The following FHIT variants were observed in gnomAD, a reference collection of about 807,000 sequenced individuals.
FHIT encodes bis(5'-adenosyl)-triphosphatase.
A neutral mutation model predicts 17.9 loss-of-function variants in FHIT; 19 were observed. The ratio of observed to expected loss-of-function variants is 1.06; its 90% CI spans 0.74 to 1.56. The LOEUF is 1.56. Ranked by LOEUF, FHIT falls within the 40% of genes most tolerant of loss-of-function variation. The pLI is 0.00. For synonymous variants in FHIT, 81 were observed against 69.7 expected, an observed-to-expected ratio of 1.16 and a Z score of -0.81; for missense variants, 248 against 189.2, an observed-to-expected ratio of 1.31 and a Z score of -1.82.
At chr3:61,226,013 G>C (rs867870601) in intron 1 of FHIT, among the ~76,000 whole-genome samples, 1 of 152,118 alleles carries the variant, frequency 6.6e-6, no homozygotes, top group African/African-American at 2.4e-5. Context: ...CAAAACTCAG[G>C]AACAGTAGAA....
At chr3:60,132,703 T>C (rs1336552924) in intron 5 of FHIT, among the ~76,000 whole-genome samples, 1 of 152,110 alleles carries the variant, frequency 6.6e-6, no homozygotes, top group Non-Finnish European at 1.5e-5. Flanking sequence ...TCTGTACATT[T>C]TCCCCTGATT....
At chr3:60,555,736 C>T (rs977623859) in intron 4 of FHIT, among the ~76,000 whole-genome samples, 3 of 152,206 alleles carry the variant, frequency 2.0e-5, no homozygotes, top group Non-Finnish European at 4.4e-5. Flanking sequence ...CTGTTACCAA[C>T]AGTAATGAGG....
intron 5 of FHIT, among the ~76,000 whole-genome samples, chr3:60,535,495 T>G (rs2035948895): frequency 6.6e-6 from 1 of 152,102 alleles, no homozygotes; most frequent in Non-Finnish European, 1.5e-5. Flanking sequence ...AAAATGTTAC[T>G]TCAAGAAATT....
intron 4 of FHIT, among the ~76,000 whole-genome samples, chr3:60,652,273 T>C (rs2040008132): frequency 6.6e-6 from 1 of 152,054 alleles, no homozygotes; most frequent in South Asian, 2.1e-4. Context: ...AATAAAAAAG[T>C]GGGGAGAACC....
chr3:60,458,096 G>A (rs1367325605), intron 5 of FHIT, among the ~76,000 whole-genome samples: 1 of 152,100 alleles, frequency 6.6e-6, no homozygotes, highest in African/African-American at 2.4e-5. Flanking sequence ...TATACCCAAA[G>A]GATTATAAAT....
rs1300324549 is a variant in FHIT at position 60,294,578 on chromosome 3, C to T, written c.103+242282G>A. On this transcript the variant is annotated intron_variant, in intron 5 of 9. Coordinates refer to ENST00000492590, the MANE Select transcript of FHIT (RefSeq NM_002012.4). The stretch of plus-strand genomic sequence containing the variant: ...AATAACAATTACAAAAGTAAACCTA[C>T]AGCCTCAGTTAAATTACTTACCTGT... Among the ~76,000 whole-genome samples, 3 of 152,182 alleles carry T rather than the reference C, an allele frequency of 2.0e-5. No individual in the cohort carries two copies. In the East Asian group the frequency reaches 5.8e-4, roughly 29 times the overall value.
intron 1 of FHIT, among the ~76,000 whole-genome samples, chr3:61,248,109 A>G (rs2040529195): frequency 6.6e-6 from 1 of 152,274 alleles, no homozygotes; most frequent in Admixed American, 6.5e-5. Flanking sequence ...TCTGCAATGT[A>G]CATGTTGAAA....
At chr3:60,671,441 G>A (rs910902588) in intron 4 of FHIT, among the ~76,000 whole-genome samples, 19 of 152,132 alleles carry the variant, frequency 1.2e-4, no homozygotes, top group African/African-American at 4.6e-4. Flanking sequence ...ATAGAAAGAA[G>A]GGGTAACAGA....
intron 5 of FHIT, among the ~76,000 whole-genome samples, chr3:60,109,116 A>G (rs1439381649): frequency 5.3e-5 from 8 of 151,002 alleles, no homozygotes; most frequent in African/African-American, 1.9e-4. Context: ...AGATGCTGTA[A>G]AAGAGGGGGA....
intron 4 of FHIT, among the ~76,000 whole-genome samples, chr3:60,624,094 T>C (rs2039212701): frequency 6.6e-6 from 1 of 151,920 alleles, no homozygotes; most frequent in South Asian, 2.1e-4. Context: ...CATGCCTAAG[T>C]GGAGTAAGGA....
At chr3:60,909,355 C>T (rs6805502) in intron 3 of FHIT, among the ~76,000 whole-genome samples, 4,209 of 131,800 alleles carry the variant, frequency 0.032, 201 homozygotes, top group African/African-American at 0.12. Context: ...GGCAGCAGAG[C>T]GAGACTCTGT....
intron 3 of FHIT, among the ~76,000 whole-genome samples, chr3:61,003,299 G>A (rs544671737): frequency 2.6e-5 from 4 of 152,146 alleles, no homozygotes; most frequent in Admixed American, 2.6e-4. Context: ...ACGCCACACT[G>A]TTATTCCTTT....
At position 60,241,113 on chromosome 3, in the gene FHIT, G is replaced by A. The variant is rs1289355268; in HGVS notation, c.104-226961C>T. On this transcript the variant is annotated intron_variant, in intron 5 of 9. Transcript: ENST00000492590. The stretch of plus-strand genomic sequence containing the variant: ...GTTTTTAGGAAACGGGGGTGGAATG[G>A]GGAATCACTTCACTGAAGAAGTTTA... 9.9e-5 allele frequency among the ~76,000 whole-genome samples: 15 copies of A among 152,226 alleles called. No homozygotes were observed. In the East Asian group the frequency reaches 2.3e-3, roughly 24 times the overall value.
intron 2 of FHIT, among the ~76,000 whole-genome samples, chr3:61,070,886 C>G (rs1289201516): frequency 6.6e-6 from 1 of 152,168 alleles, no homozygotes; most frequent in Non-Finnish European, 1.5e-5. Context: ...CATATTCAGA[C>G]AGTCTCATAC....
chr3:60,635,983 A>G (rs1211110126), intron 4 of FHIT, among the ~76,000 whole-genome samples: 1 of 152,206 alleles, frequency 6.6e-6, no homozygotes, highest in Non-Finnish European at 1.5e-5. Context: ...ACCCCTGCTC[A>G]GGAGAATAGG....
chr3:60,156,916 A>C (rs1700722886), intron 5 of FHIT, among the ~76,000 whole-genome samples: 1 of 152,098 alleles, frequency 6.6e-6, no homozygotes, highest in South Asian at 2.1e-4. Flanking sequence ...TAGCAAAATG[A>C]TACTTCTTCC....
rs1706089993 is a variant in FHIT at position 60,257,956 on chromosome 3, C to G, written c.104-243804G>C. 2.6e-5 allele frequency among the ~76,000 whole-genome samples: 4 copies of G among 152,032 alleles called. No individual in the cohort carries two copies. In the South Asian group the frequency reaches 8.3e-4, roughly 32 times the overall value. On this transcript the variant is annotated intron_variant, in intron 5 of 9. Transcript: ENST00000492590. ...AGCTAATGGATGCTGGGCTTAATACCTGGGTGATGGGTTGATCTGTGCAGA... is the reference window on the plus strand; with the variant it reads ...AGCTAATGGATGCTGGGCTTAATACGTGGGTGATGGGTTGATCTGTGCAGA...
chr3:60,010,276 T>C (rs1283531232), intron 7 of FHIT, among the ~76,000 whole-genome samples: 2 of 152,246 alleles, frequency 1.3e-5, no homozygotes, highest in Non-Finnish European at 2.9e-5. Context: ...AGAGGAAAGC[T>C]GAAAGCCTCT....
intron 5 of FHIT, among the ~76,000 whole-genome samples, chr3:60,254,064 C>A (rs563681429): frequency 6.6e-6 from 1 of 152,288 alleles, no homozygotes; most frequent in South Asian, 2.1e-4. Context: ...TGCTTTCTCT[C>A]TTTTACACAC....
Sources: allele counts gnomAD v4.1 joint callset (sites outside exome capture counted in the v4.1 genomes callset), GRCh38; gene constraint gnomAD v4.1.1; transcripts MANE v1.5; gene names NCBI Gene and HGNC (gene_info 2026-07-23, HGNC 2026-07-21).